Variants in TSHZ3 observed in about 807,000 individuals in gnomAD.
TSHZ3 encodes teashirt zinc finger homeobox 3.
In TSHZ3, 10 loss-of-function variants were observed where a neutral mutation model predicts 64.5. The observed-to-expected ratio is 0.16, with a 90% CI of 0.10 to 0.26. The LOEUF (loss-of-function observed/expected upper bound fraction) is 0.26. Among genes scored for constraint, TSHZ3 ranks in the 10% least tolerant of loss-of-function variants. The pLI, the probability that TSHZ3 is intolerant of heterozygous loss-of-function variation, is 1.00. For synonymous variants in TSHZ3, 608 were observed against 593.1 expected, an observed-to-expected ratio of 1.03 and a Z score of -0.36; for missense variants, 1,242 against 1,421.7, an observed-to-expected ratio of 0.87 and a Z score of 2.03.
At chr19:31,272,660 TG>T, downstream of TSHZ3, among the ~76,000 whole-genome samples, 1 of 152,356 alleles carries the variant, frequency 6.6e-6, no homozygotes, top group Non-Finnish European at 1.5e-5. Flanking sequence ...GATTTCTTGT[TG>T]TGAAGTGAGC....
chr19:31,309,650 G>A (rs1385706559), intron 1 of TSHZ3, among the ~76,000 whole-genome samples: 1 of 152,198 alleles, frequency 6.6e-6, no homozygotes, highest in Non-Finnish European at 1.5e-5. Context: ...TGCGGATAAA[G>A]CATGGTACTT....
At position 31,277,242 on chromosome 19, in the gene TSHZ3, G is replaced by T; in HGVS notation, c.2551C>A (p.Leu851Met). 1 of 1,614,198 alleles carries T rather than the reference G, an allele frequency of 6.2e-7. No homozygotes were observed. The highest frequency in any genetic ancestry group is 8.5e-7 in the Non-Finnish European group (1 of 1,180,034). The change falls in exon 2 of 2, where the codon CTG becomes ATG. Residue 851 changes from leucine (L) to methionine (M), a missense_variant. Leu to Met is a conservative substitution (Grantham distance 15). Coordinates refer to ENST00000240587, the MANE Select transcript of TSHZ3 (RefSeq NM_020856.4). This position sits in a 1 kb window ranked among gnomAD's most constrained non-coding sequence, Gnocchi z 4.5. ...GTGTGGCTCTCTGTCAAGTTCTTCA[G>T]CATATCGGATATATCTGACAAGGCA... ...ENALSDISDMLKNLTESHTSK... is the reference protein window; with the variant it reads ...ENALSDISDMMKNLTESHTSK...
At chr19:31,196,245 A>G (rs528271480) in intron 5 of TSHZ3, among the ~76,000 whole-genome samples, 7 of 151,994 alleles carry the variant, frequency 4.6e-5, no homozygotes, top group Non-Finnish European at 8.8e-5. Context: ...TAGTTATTTA[A>G]AAGTGGACTT....
intron 6 of TSHZ3, among the ~76,000 whole-genome samples, chr19:31,155,904 C>T (rs1211760407): frequency 6.6e-6 from 1 of 152,182 alleles, no homozygotes; most frequent in African/African-American, 2.4e-5. Context: ...CCCTTAGTGA[C>T]ACCATTGGGA....
In TSHZ3 at chr19:31,343,328, G is replaced by A. The variant is rs191090100; in HGVS notation, c.40+5852C>T. ...GGTAAGGAGATGGTTAAAATGTCCA[G>A]GTAACGTGACCTTCAGTGAACTACT... is the stretch of plus-strand genomic sequence containing the variant. On this transcript the variant is annotated intron_variant, in intron 1 of 1. Transcript: ENST00000240587. Among the ~76,000 whole-genome samples, 5 of 152,282 alleles carry A rather than the reference G, an allele frequency of 3.3e-5. No individual in the cohort carries two copies. In the East Asian group the frequency reaches 9.6e-4, roughly 29 times the overall value.
chr19:31,154,103 A>G (rs1311476681), intron 6 of TSHZ3, among the ~76,000 whole-genome samples: 3 of 152,196 alleles, frequency 2.0e-5, no homozygotes, highest in Admixed American at 6.5e-5. Flanking sequence ...TGCCATCACC[A>G]TGAAAAGAAC....
chr19:31,185,104 C>CAA (rs112596078), intron 5 of TSHZ3, among the ~76,000 whole-genome samples: 2,757 of 146,756 alleles, frequency 0.019, 39 homozygotes, highest in Admixed American at 0.042. Context: ...GAAACAACAA[C>CAA]AAAAAAAAAA....
intron 1 of TSHZ3, among the ~76,000 whole-genome samples, chr19:31,343,773 GGTTTTTTTTTT>G (rs1568387843): frequency 1.9e-5 from 2 of 104,808 alleles, no homozygotes; most frequent in Non-Finnish European, 4.0e-5. Context: ...TTACAATTCA[GGTTTTTTTTTT>G]GTTTTTTTTT....
intron 4 of TSHZ3, among the ~76,000 whole-genome samples, chr19:31,219,949 A>G (rs1436877674): frequency 6.6e-6 from 1 of 152,020 alleles, no homozygotes; most frequent in African/African-American, 2.4e-5. Flanking sequence ...AGATCAATTG[A>G]TCAATTGATT....
At chr19:31,264,510 C>T (rs1180072844) in intron 1 of TSHZ3, among the ~76,000 whole-genome samples, 1 of 152,194 alleles carries the variant, frequency 6.6e-6, no homozygotes, top group African/African-American at 2.4e-5. Flanking sequence ...AGAGCCCAGC[C>T]TACAAGACAG....
intron 1 of TSHZ3, among the ~76,000 whole-genome samples, chr19:31,343,757 C>T (rs908415760): frequency 6.7e-6 from 1 of 149,436 alleles, no homozygotes; most frequent in Non-Finnish European, 1.5e-5. Context: ...TCTATGTCTC[C>T]AGTCCTTACA....
At chr19:31,194,155 A>T (rs1974952292) in intron 5 of TSHZ3, among the ~76,000 whole-genome samples, 1 of 152,212 alleles carries the variant, frequency 6.6e-6, no homozygotes, top group Admixed American at 6.5e-5. Context: ...TTGATGACTT[A>T]TTGGAGTCTC....
At chr19:31,225,251 C>G (rs1247525600) in intron 4 of TSHZ3, among the ~76,000 whole-genome samples, 1 of 152,204 alleles carries the variant, frequency 6.6e-6, no homozygotes, top group African/African-American at 2.4e-5. Flanking sequence ...CAGAGTCAGC[C>G]TCAGACGGTG....
At chr19:31,324,008 C>T (rs909770888) in intron 1 of TSHZ3, among the ~76,000 whole-genome samples, 19 of 151,922 alleles carry the variant, frequency 1.3e-4, no homozygotes, top group African/African-American at 4.6e-4. Flanking sequence ...GGATCAGAAG[C>T]CACGAGGGGC....
exon 7 of TSHZ3, among the ~76,000 whole-genome samples, chr19:31,150,246 G>A (rs549973362): frequency 1.3e-5 from 2 of 152,198 alleles, no homozygotes; most frequent in South Asian, 4.1e-4. Flanking sequence ...AAGTCAGCCC[G>A]TGAGGCCCGT....
intron 5 of TSHZ3, among the ~76,000 whole-genome samples, chr19:31,163,382 T>G (rs1278704618): frequency 6.6e-6 from 1 of 152,176 alleles, no homozygotes; most frequent in Non-Finnish European, 1.5e-5. Context: ...TAGTGGAGAA[T>G]AGAGAGGCAT....
chr19:31,157,704 C>T (rs1336200966), intron 5 of TSHZ3, among the ~76,000 whole-genome samples: 1 of 152,208 alleles, frequency 6.6e-6, no homozygotes, highest in Non-Finnish European at 1.5e-5. Context: ...AGGTGTCAAC[C>T]TATTTCATGA....
chr19:31,279,316 GCTGCTGCTGCTGCTA>G lies in TSHZ3; in HGVS notation c.462_476del (p.Ser155_Ser159del). The G allele has an allele frequency of 6.2e-7, 1 of 1,608,756 alleles. No individual in the cohort carries two copies. The highest frequency in any genetic ancestry group is 1.1e-5 in the South Asian group (1 of 90,838). On this transcript the variant is annotated inframe_deletion, in exon 2 of 2. Transcript: ENST00000240587. The surrounding 1 kb of genome is among the most constrained non-coding windows in gnomAD (Gnocchi z 6.4). ...GCCAGTCGAAGCTCCCGCTGCCACA[GCTGCTGCTGCTGCTA>G]CTGCTGCTGCTGCTGCTGCCGTTGT...
intron 4 of TSHZ3, among the ~76,000 whole-genome samples, chr19:31,214,240 C>A (rs909914589): frequency 2.0e-5 from 3 of 152,210 alleles, no homozygotes; most frequent in Non-Finnish European, 2.9e-5. Flanking sequence ...TGTACAGGAA[C>A]TGGGTCCCAG....
Sources: allele counts gnomAD v4.1 joint callset (sites outside exome capture counted in the v4.1 genomes callset), GRCh38; gene constraint gnomAD v4.1.1; non-coding constraint Gnocchi (gnomAD v3.1); transcripts MANE v1.5; gene names NCBI Gene and HGNC (gene_info 2026-07-23, HGNC 2026-07-21).